Variants in NRXN1 observed in about 807,000 individuals in gnomAD.
NRXN1 encodes neurexin 1.
A neutral mutation model predicts 150.9 loss-of-function variants in NRXN1; 39 were observed. The observed-to-expected ratio is 0.26, with a 90% CI of 0.20 to 0.34. NRXN1 has a LOEUF of 0.34. NRXN1 is among the 10% of genes least tolerant of loss of function. NRXN1 has a pLI of 1.00. For synonymous variants in NRXN1, 924 were observed against 757.0 expected (o/e 1.22, Z -3.62); for missense variants, 1,815 against 1,949.9 (o/e 0.93, Z 1.30).
intron 8 of NRXN1, among the ~76,000 whole-genome samples, chr2:50,596,263 GCTTCCACTAC>G (rs1267566287): frequency 1.3e-5 from 2 of 151,964 alleles, no homozygotes; most frequent in African/African-American, 4.8e-5. Flanking sequence ...TTTCAAAGAT[GCTTCCACTAC>G]CTTCCACTAC....
chr2:50,697,401 G>T (rs1175091008), intron 5 of NRXN1, among the ~76,000 whole-genome samples: 1 of 152,022 alleles, frequency 6.6e-6, no homozygotes, highest in African/African-American at 2.4e-5. Flanking sequence ...TTAAGACCTT[G>T]AAATACTGGA....
chr2:50,110,555 C>T (rs972717379), intron 18 of NRXN1, among the ~76,000 whole-genome samples: 1 of 149,450 alleles, frequency 6.7e-6, no homozygotes, highest in Non-Finnish European at 1.5e-5. Flanking sequence ...GTTTATACAA[C>T]CTTCAAAATA....
intron 17 of NRXN1, among the ~76,000 whole-genome samples, chr2:50,242,449 G>T (rs1218906244): frequency 2.0e-5 from 3 of 151,758 alleles, no homozygotes; most frequent in Non-Finnish European, 4.4e-5. Flanking sequence ...CTGAATTATT[G>T]TAAGTTCTTT....
At chr2:50,864,770 G>A (rs752658298) in intron 5 of NRXN1, among the ~76,000 whole-genome samples, 3 of 151,942 alleles carry the variant, frequency 2.0e-5, no homozygotes, top group Non-Finnish European at 2.9e-5. Context: ...TCTGTGAGAC[G>A]TCCTTTGAAA....
intron 5 of NRXN1, among the ~76,000 whole-genome samples, chr2:50,856,731 T>A (rs1232308287): frequency 6.6e-6 from 1 of 152,106 alleles, no homozygotes; most frequent in Admixed American, 6.6e-5. Flanking sequence ...GATACTTAAT[T>A]ACTTTTGTTC....
intron 18 of NRXN1, among the ~76,000 whole-genome samples, chr2:50,115,301 CT>C (rs1702909697): frequency 6.8e-6 from 1 of 147,486 alleles, no homozygotes; most frequent in African/African-American, 2.5e-5. Flanking sequence ...CTGATTAAAA[CT>C]TTGTTTAGAA....
intron 5 of NRXN1, among the ~76,000 whole-genome samples, chr2:50,870,463 G>C (rs890030707): frequency 1.4e-4 from 21 of 151,956 alleles, no homozygotes; most frequent in African/African-American, 4.3e-4. Context: ...ACACATGGCA[G>C]TCAGGTCTTA....
chr2:49,960,336 T>C (rs1041953430), intron 21 of NRXN1, among the ~76,000 whole-genome samples: 2 of 152,176 alleles, frequency 1.3e-5, no homozygotes, highest in African/African-American at 4.8e-5. Flanking sequence ...TATTTATTTA[T>C]TTATGCAAAT....
intron 2 of NRXN1, among the ~76,000 whole-genome samples, chr2:50,936,852 C>T (rs2193414): frequency 0.51 from 77,871 of 151,706 alleles, 20,363 homozygotes; most frequent in East Asian, 0.72. Flanking sequence ...TGTATGAAAA[C>T]GTGGGTAGTG....
At chr2:50,639,938 C>A (rs1170049353) in intron 5 of NRXN1, among the ~76,000 whole-genome samples, 2 of 151,962 alleles carry the variant, frequency 1.3e-5, no homozygotes, top group Non-Finnish European at 2.9e-5. Context: ...TGATAGAATT[C>A]CCACAATAGG....
At chr2:50,698,390 C>G (rs1914722) in intron 5 of NRXN1, among the ~76,000 whole-genome samples, 89,416 of 152,050 alleles carry the variant, frequency 0.59, 26,675 homozygotes, top group East Asian at 0.79. Context: ...GAATCTAGCT[C>G]TCTTAAGCCA....
intron 2 of NRXN1, among the ~76,000 whole-genome samples, chr2:50,999,270 T>C: frequency 6.6e-6 from 1 of 152,076 alleles, no homozygotes; most frequent in East Asian, 1.9e-4. Context: ...TCCATTTATT[T>C]GTTCAATAAA....
intron 17 of NRXN1, among the ~76,000 whole-genome samples, chr2:50,362,089 G>A (rs1432084949): frequency 6.6e-6 from 1 of 152,114 alleles, no homozygotes; most frequent in Non-Finnish European, 1.5e-5. Flanking sequence ...AGGTATTGGT[G>A]GAACATATTT....
At chr2:50,807,851 C>T (rs1395136303) in intron 5 of NRXN1, among the ~76,000 whole-genome samples, 5 of 151,976 alleles carry the variant, frequency 3.3e-5, no homozygotes, top group South Asian at 2.1e-4. Flanking sequence ...AAATTTTTAT[C>T]GTAGATACAA....
At chr2:50,960,725 G>A (rs1230207740) in intron 2 of NRXN1, among the ~76,000 whole-genome samples, 1 of 151,850 alleles carries the variant, frequency 6.6e-6, no homozygotes, top group Non-Finnish European at 1.5e-5. Context: ...CTCTGCCTCT[G>A]GGCCTATATC....
rs1184607065 is a variant in NRXN1 at position 51,028,852 on chromosome 2, G to A, written c.-579C>T. 6.6e-6 allele frequency: 1 copy of A among 152,302 alleles called. No homozygotes were observed. The highest frequency in any genetic ancestry group is 1.9e-4 in the East Asian group (1 of 5,202). 9.4% of individuals were successfully genotyped at this position (152,302 alleles called of 1,614,324 possible). On this transcript the variant is annotated 5_prime_UTR_variant, in exon 2 of 23. Transcript: ENST00000401669. Reference sequence around the variant, plus strand: ...GGTGTCTTACAGCAGAACGGAGAAAGGGATGCTTGCCTCTTTAGGGCACCA... The same window carrying A: ...GGTGTCTTACAGCAGAACGGAGAAAAGGATGCTTGCCTCTTTAGGGCACCA...
chr2:50,193,438 T>A (rs2061568306), intron 18 of NRXN1, among the ~76,000 whole-genome samples: 1 of 152,182 alleles, frequency 6.6e-6, no homozygotes, highest in South Asian at 2.1e-4. Flanking sequence ...ATTTATAATT[T>A]ATTCCTGCTT....
intron 5 of NRXN1, among the ~76,000 whole-genome samples, chr2:50,788,601 G>C (rs1559263742): frequency 6.6e-6 from 1 of 151,910 alleles, no homozygotes; most frequent in South Asian, 2.1e-4. Context: ...GTGAGAGAGA[G>C]AGACAGAGAG....
intron 12 of NRXN1, among the ~76,000 whole-genome samples, chr2:50,509,704 C>T (rs913211884): frequency 7.2e-5 from 11 of 152,162 alleles, no homozygotes; most frequent in Admixed American, 3.3e-4. Flanking sequence ...ATTATAGTAA[C>T]TTCAAGCTGT....
Sources: gnomAD v4.1 joint callset for allele counts (sites outside exome capture counted in the v4.1 genomes callset) on GRCh38, gnomAD v4.1.1 for gene constraint, MANE v1.5 for transcripts, NCBI Gene and HGNC (gene_info 2026-07-23, HGNC 2026-07-21) for gene names.